The following BABAM2 variants were observed in gnomAD, a reference collection of about 807,000 sequenced individuals.
BABAM2 encodes BRISC and BRCA1-A complex member 2.
In BABAM2, 31 loss-of-function variants were observed where a neutral mutation model predicts 54.7. The observed-to-expected ratio is 0.57, with a 90% CI of 0.43 to 0.77. The LOEUF is 0.77. Ranked by LOEUF, BABAM2 falls within the 30% of genes least tolerant of loss-of-function variation. The probability of loss-of-function intolerance (pLI) is 0.00; values close to 1 mark genes in which losing one functional copy is unlikely to be tolerated. For missense variants in BABAM2, 364 were observed against 455.8 expected (o/e 0.80, Z 1.83); for synonymous variants, 167 against 162.9 (o/e 1.03, Z -0.19).
chr2:28,196,647 A>G (rs1261637391), intron 7 of BABAM2, among the ~76,000 whole-genome samples: 2 of 152,066 alleles, frequency 1.3e-5, no homozygotes, highest in East Asian at 3.9e-4. Context: ...GTTTGAGACC[A>G]GCCTTGGCAA....
chr2:28,031,722 C>T (rs372905083), intron 5 of BABAM2, among the ~76,000 whole-genome samples: 19 of 152,124 alleles, frequency 1.2e-4, no homozygotes, highest in African/African-American at 4.1e-4. Context: ...GCAGAAGAGA[C>T]AATCACTGAG....
intron 10 of BABAM2, among the ~76,000 whole-genome samples, chr2:28,294,850 T>G (rs560296777): frequency 2.6e-5 from 4 of 152,248 alleles, no homozygotes; most frequent in Non-Finnish European, 5.9e-5. Flanking sequence ...TGAAGTACTC[T>G]GACTGTTCCT....
At chr2:27,999,386 T>A (rs1043790725) in intron 4 of BABAM2, among the ~76,000 whole-genome samples, 1 of 152,022 alleles carries the variant, frequency 6.6e-6, no homozygotes, top group Non-Finnish European at 1.5e-5. Flanking sequence ...GGGACAAAAG[T>A]ACAGAGAAGC....
chr2:28,255,044 G>A (rs1204599829), intron 10 of BABAM2, among the ~76,000 whole-genome samples: 1 of 151,534 alleles, frequency 6.6e-6, no homozygotes, highest in East Asian at 2.0e-4. Context: ...GCCCAGATAA[G>A]GATTTTTTAA....
At chr2:27,953,174 A>G (rs1456480079) in intron 3 of BABAM2, among the ~76,000 whole-genome samples, 1 of 151,208 alleles carries the variant, frequency 6.6e-6, no homozygotes, top group Non-Finnish European at 1.5e-5. Flanking sequence ...ATGTCTGGCT[A>G]ATTTTTTATT....
intron 6 of BABAM2, among the ~76,000 whole-genome samples, chr2:28,123,037 TG>T (rs1326613935): frequency 6.6e-6 from 1 of 152,238 alleles, no homozygotes; most frequent in African/African-American, 2.4e-5. Context: ...CTGTCAGTCC[TG>T]AAACCCAAAT....
chr2:28,275,930 G>A (rs1257194858), intron 10 of BABAM2, among the ~76,000 whole-genome samples: 3 of 151,036 alleles, frequency 2.0e-5, no homozygotes, highest in Non-Finnish European at 4.4e-5. Context: ...CATGTGAGAG[G>A]TTAGGAGTAA....
intron 11 of BABAM2, among the ~76,000 whole-genome samples, chr2:28,328,186 G>A (rs1286072797): frequency 2.0e-5 from 3 of 152,142 alleles, no homozygotes; most frequent in Non-Finnish European, 4.4e-5. Flanking sequence ...AACCCCAAGT[G>A]AGTCAGAATT....
chr2:28,220,307 A>G (rs755836905), intron 7 of BABAM2, among the ~76,000 whole-genome samples: 5 of 152,166 alleles, frequency 3.3e-5, no homozygotes, highest in Non-Finnish European at 5.9e-5. Flanking sequence ...CAATATATCA[A>G]CCTTACAGGG....
intron 3 of BABAM2, chr2:27,930,200 A>G (rs961269668): frequency 7.3e-6 from 2 of 275,836 alleles, no homozygotes; most frequent in South Asian, 9.1e-5. Context: ...AATACTCAAT[A>G]AAGAGTCCAC....
intron 11 of BABAM2, chr2:28,308,277 A>G: frequency 2.4e-6 from 1 of 408,206 alleles, no homozygotes; most frequent in Non-Finnish European, 4.7e-6. Context: ...AGAAGATCCA[A>G]TCCACACATC....
At chr2:28,003,035 T>A (rs964694306) in intron 4 of BABAM2, among the ~76,000 whole-genome samples, 3 of 152,168 alleles carry the variant, frequency 2.0e-5, no homozygotes, top group Non-Finnish European at 4.4e-5. Flanking sequence ...TTAGCTAGAA[T>A]TGTTTTATAC....
chr2:27,979,867 G>A lies in BABAM2; in HGVS notation c.206-8126G>A, dbSNP rs895812555. On this transcript the variant is annotated intron_variant, in intron 3 of 11. Transcript: ENST00000379624. ...ACAGGCTGTGTTCCTTCTGTAATTA[G>A]GGAGTAGGAGATATGGTCCACTCTG... is the stretch of plus-strand genomic sequence containing the variant. 1.3e-4 allele frequency among the ~76,000 whole-genome samples: 20 copies of A among 152,270 alleles called. No individual in the cohort carries two copies. In the East Asian group the frequency reaches 3.1e-3, roughly 24 times the overall value.
intron 11 of BABAM2, among the ~76,000 whole-genome samples, chr2:28,299,567 T>C (rs1687950073): frequency 6.6e-6 from 1 of 152,204 alleles, no homozygotes; most frequent in Non-Finnish European, 1.5e-5. Flanking sequence ...GGCCTCCTCT[T>C]CATTTGCTCA....
At chr2:28,253,015 T>G (rs1427365726) in intron 10 of BABAM2, among the ~76,000 whole-genome samples, 1 of 152,224 alleles carries the variant, frequency 6.6e-6, no homozygotes, top group Non-Finnish European at 1.5e-5. Flanking sequence ...GAATTAATAT[T>G]AAAGTACTGT....
At chr2:28,275,000 A>G (rs1462456133) in intron 10 of BABAM2, among the ~76,000 whole-genome samples, 1 of 152,210 alleles carries the variant, frequency 6.6e-6, no homozygotes, top group East Asian at 1.9e-4. Context: ...CAGAATTCAG[A>G]CGACTCCAGC....
At chr2:28,331,197 A>C (rs544363476) in intron 11 of BABAM2, among the ~76,000 whole-genome samples, 1 of 152,226 alleles carries the variant, frequency 6.6e-6, no homozygotes, top group Non-Finnish European at 1.5e-5. Flanking sequence ...ACTTAAATAT[A>C]AAACCAAAAC....
At chr2:27,925,760 C>T (rs1667651228) in intron 2 of BABAM2, among the ~76,000 whole-genome samples, 1 of 152,208 alleles carries the variant, frequency 6.6e-6, no homozygotes, top group Non-Finnish European at 1.5e-5. Context: ...GGGGAATGGT[C>T]TCTGCCCTCT....
At chr2:27,938,072 C>T (rs1241595701) in intron 3 of BABAM2, among the ~76,000 whole-genome samples, 1 of 152,130 alleles carries the variant, frequency 6.6e-6, no homozygotes, top group African/African-American at 2.4e-5. Context: ...GTCCTTTCTC[C>T]AATGTGTGTT....
Sources: allele counts gnomAD v4.1 joint callset (sites outside exome capture counted in the v4.1 genomes callset), GRCh38; gene constraint gnomAD v4.1.1; transcripts MANE v1.5; gene names NCBI Gene and HGNC (gene_info 2026-07-23, HGNC 2026-07-21).